RTN1: variants seen among roughly 807,000 people sequenced by gnomAD.
RTN1 encodes reticulon 1.
RTN1 carries 25 observed loss-of-function variants against 65.5 expected under a neutral mutation model. That is an observed-to-expected ratio of 0.38 (90% CI 0.28 to 0.53). The LOEUF (loss-of-function observed/expected upper bound fraction) is 0.53. Ranked by LOEUF, RTN1 falls within the 20% of genes least tolerant of loss-of-function variation. RTN1 has a pLI of 0.79. For missense variants in RTN1, 983 were observed against 1,025.4 expected (o/e 0.96, Z 0.57); for synonymous variants, 471 against 447.6 (o/e 1.05, Z -0.66).
chr14:59,797,300 A>G (rs1425617240), intron 1 of RTN1, among the ~76,000 whole-genome samples: 1 of 152,310 alleles, frequency 6.6e-6, no homozygotes, highest in East Asian at 1.9e-4. Flanking sequence ...CCTTTGTCCA[A>G]CAACAATCTT....
intron 3 of RTN1, among the ~76,000 whole-genome samples, chr14:59,611,624 A>C (rs1209864840): frequency 1.3e-5 from 2 of 152,016 alleles, no homozygotes; most frequent in Non-Finnish European, 2.9e-5. Context: ...CTGTGTCTGT[A>C]GCCTCATTTG....
chr14:59,666,402 G>C (rs543234100), intron 3 of RTN1, among the ~76,000 whole-genome samples: 34 of 152,212 alleles, frequency 2.2e-4, no homozygotes, highest in Non-Finnish European at 4.6e-4. Flanking sequence ...TGAGAACAAA[G>C]ACACAATGTA....
At position 59,634,144 on chromosome 14, in the gene RTN1, A is replaced by G. The variant is rs1038866558; in HGVS notation, c.1766-26652T>C. On this transcript the variant is annotated intron_variant, in intron 3 of 8. Coordinates refer to ENST00000267484, the MANE Select transcript of RTN1 (RefSeq NM_021136.3). ...AGTGGAGGTGAGGTGAAAATTTGCT[A>G]TTTTATAAGGAGGGTCAGCAAAGGC... 4.6e-5 allele frequency among the ~76,000 whole-genome samples: 7 copies of G among 152,202 alleles called. 1 individual carries two copies. The highest frequency in any genetic ancestry group is 3.9e-4 in the Admixed American group (6 of 15,280).
chr14:59,794,499 G>T lies in RTN1; in HGVS notation c.242-48018C>A, dbSNP rs1886405743. Among the ~76,000 whole-genome samples, 1 of 152,120 alleles carries T rather than the reference G, an allele frequency of 6.6e-6. No individual in the cohort carries two copies. The highest frequency in any genetic ancestry group is 6.5e-5 in the Admixed American group (1 of 15,272). ...ATTCTGAATTGAGTTTCTGTTAGTT[G>T]CAACACAAAGACACTTGACTGAAAC... On this transcript the variant is annotated intron_variant, in intron 1 of 8. Transcript: ENST00000267484. This position sits in a 1 kb window ranked among gnomAD's most constrained non-coding sequence, Gnocchi z 5.1.
chr14:59,722,131 T>C (rs1229910143), intron 3 of RTN1, among the ~76,000 whole-genome samples: 1 of 152,198 alleles, frequency 6.6e-6, no homozygotes, highest in Non-Finnish European at 1.5e-5. Flanking sequence ...AACTTAGAAC[T>C]GTAAGAGGGT....
intron 3 of RTN1, among the ~76,000 whole-genome samples, chr14:59,710,550 C>G (rs1434829693): frequency 1.3e-5 from 2 of 152,170 alleles, no homozygotes; most frequent in African/African-American, 4.8e-5. Flanking sequence ...TTGAGGTGGG[C>G]TGTGACAGGT....
At chr14:59,728,249 C>CTTTTTTTTTTTTT (rs200434592) in intron 2 of RTN1, among the ~76,000 whole-genome samples, 2 of 124,160 alleles carry the variant, frequency 1.6e-5, no homozygotes, top group African/African-American at 6.0e-5. Context: ...GAATCAGTAT[C>CTTTTTTTTTTTTT]TTTTTTTTTT....
At chr14:59,732,197 G>C (rs899843267) in intron 2 of RTN1, among the ~76,000 whole-genome samples, 1 of 152,204 alleles carries the variant, frequency 6.6e-6, no homozygotes, top group Non-Finnish European at 1.5e-5. Flanking sequence ...CGTTTAACTG[G>C]AGTATTATTG....
intron 2 of RTN1, among the ~76,000 whole-genome samples, chr14:59,728,185 G>A (rs145426399): frequency 6.6e-6 from 1 of 151,458 alleles, no homozygotes; most frequent in Non-Finnish European, 1.5e-5. Flanking sequence ...AGACAAAGCA[G>A]GTAGTTTTGA....
At chr14:59,649,078 G>C (rs1390403051) in intron 3 of RTN1, among the ~76,000 whole-genome samples, 3 of 152,166 alleles carry the variant, frequency 2.0e-5, no homozygotes, top group African/African-American at 2.4e-5. Context: ...CAACGAAACA[G>C]AACAGAGGCC....
At chr14:59,817,061 A>T (rs1167345134) in intron 1 of RTN1, among the ~76,000 whole-genome samples, 1 of 152,158 alleles carries the variant, frequency 6.6e-6, no homozygotes, top group East Asian at 1.9e-4. Context: ...AGGGAATCTT[A>T]AAAAACACTT....
At chr14:59,702,471 C>T (rs1404727430) in intron 3 of RTN1, among the ~76,000 whole-genome samples, 1 of 152,176 alleles carries the variant, frequency 6.6e-6, no homozygotes, top group Admixed American at 6.5e-5. Flanking sequence ...TGCACCCATT[C>T]CCTTGTGATT....
chr14:59,685,173 C>T (rs1320133409), intron 3 of RTN1, among the ~76,000 whole-genome samples: 1 of 150,896 alleles, frequency 6.6e-6, no homozygotes, highest in Non-Finnish European at 1.5e-5. Flanking sequence ...TACCTCAACA[C>T]AATAAAGGCC....
intron 3 of RTN1, among the ~76,000 whole-genome samples, chr14:59,696,257 C>T (rs936697023): frequency 2.0e-5 from 3 of 152,158 alleles, no homozygotes; most frequent in African/African-American, 7.2e-5. Context: ...GCTGCAGGCT[C>T]ATTGCTAAAT....
chr14:59,760,143 GA>G (rs1472438122), intron 1 of RTN1, among the ~76,000 whole-genome samples: 1 of 152,132 alleles, frequency 6.6e-6, no homozygotes, highest in African/African-American at 2.4e-5. Flanking sequence ...GCTATACATA[GA>G]ATACTATGTA....
rs535572555 is a variant in RTN1 at position 59,774,836 on chromosome 14, T to A, written c.242-28355A>T. The stretch of plus-strand genomic sequence containing the variant: ...ATCAGAACTCACTCTTCTGAACAAT[T>A]TCTTGATGATTAAAGTACCGTCTTT... On this transcript the variant is annotated intron_variant, in intron 1 of 8. Transcript: ENST00000267484. The surrounding 1 kb of genome is among the most constrained non-coding windows in gnomAD (Gnocchi z 5.1). Among the ~76,000 whole-genome samples the A allele has an allele frequency of 8.3e-4, 126 of 152,308 alleles. No homozygotes were observed. The highest frequency in any genetic ancestry group is 2.8e-3 in the African/African-American group (118 of 41,584).
chr14:59,775,787 C>G (rs1038947323), intron 1 of RTN1, among the ~76,000 whole-genome samples: 1 of 152,048 alleles, frequency 6.6e-6, no homozygotes, highest in Non-Finnish European at 1.5e-5. Flanking sequence ...TAAGCAATAA[C>G]AATTGTGGAC....
intron 1 of RTN1, among the ~76,000 whole-genome samples, chr14:59,751,069 T>A (rs925914029): frequency 6.6e-6 from 1 of 151,882 alleles, no homozygotes; most frequent in Non-Finnish European, 1.5e-5. Flanking sequence ...CAGTATTGTG[T>A]GAAAAGACAG....
chr14:59,786,536 G>T (rs754231901), intron 1 of RTN1, among the ~76,000 whole-genome samples: 1 of 152,190 alleles, frequency 6.6e-6, no homozygotes, highest in Non-Finnish European at 1.5e-5. Context: ...ACTAGTAATG[G>T]AGAAGATTAC....
Sources: gnomAD v4.1 joint callset for allele counts (sites outside exome capture counted in the v4.1 genomes callset) on GRCh38, gnomAD v4.1.1 for gene constraint, Gnocchi (gnomAD v3.1) non-coding constraint, MANE v1.5 for transcripts, NCBI Gene and HGNC (gene_info 2026-07-23, HGNC 2026-07-21) for gene names.